The following MAGEB16 variants were observed in gnomAD, a reference collection of about 807,000 sequenced individuals.
MAGEB16 encodes the protein MAGE family member B16.
For synonymous variants in MAGEB16, 95 were observed against 92.1 expected (o/e 1.03, Z -0.18); for missense variants, 217 against 234.0 (o/e 0.93, Z 0.47).
At chrX:35,801,745 A>C (rs1465183085) in intron 1 of MAGEB16, among the ~76,000 whole-genome samples, 3 of 112,718 alleles carry the variant, frequency 2.7e-5, no homozygotes, top group African/African-American at 9.7e-5. Flanking sequence ...GAGGTACCTG[A>C]CACTTCCTTT....
At chrX:35,800,502 T>G in intron 1 of MAGEB16, 1 of 525,104 alleles carries the variant, frequency 1.9e-6, no homozygotes, top group South Asian at 2.5e-5. Flanking sequence ...GATGAGATTT[T>G]TCTTTTTTCG....
chrX:35,799,627 A>G (rs1315482870), intron 1 of MAGEB16, among the ~76,000 whole-genome samples: 1 of 111,543 alleles, frequency 9.0e-6, no homozygotes, highest in African/African-American at 3.3e-5. Context: ...CACTGCATAA[A>G]ACTGTAGACC....
intron 1 of MAGEB16, among the ~76,000 whole-genome samples, chrX:35,799,567 G>A (rs1285690919): frequency 2.7e-5 from 3 of 111,464 alleles, no homozygotes; most frequent in Non-Finnish European, 3.8e-5. Flanking sequence ...CCAGCAGAAG[G>A]AGTTCCAGGC....
intron 1 of MAGEB16, chrX:35,800,392 A>G (rs1934852265): frequency 2.1e-6 from 1 of 467,447 alleles, no homozygotes; most frequent in South Asian, 3.0e-5. Flanking sequence ...CCTCAAGTCA[A>G]TATAGGGGTA....
Position 35,802,114 on chromosome X carries a change from C to T in MAGEB16, c.-66-17C>T, listed in dbSNP as rs1934866348. 1 of 1,150,055 alleles carries T rather than the reference C, an allele frequency of 8.7e-7. No homozygotes were observed. Among genetic ancestry groups the T allele is most frequent in the Non-Finnish European group, 1.2e-6 (1 of 850,400 alleles). The allele number at this position is 1,150,055 out of a possible 1,213,427, so 94.8% of individuals were successfully genotyped here. A position where few individuals can be genotyped will look rare whatever the true frequency, so the allele number is the denominator to read the frequency against. ...TTTACCAGCTGAGGACATTTACACC[C>T]TTTCTCTCTCCCTTAGGCAGTGATT... On this transcript the variant is annotated splice_polypyrimidine_tract_variant and intron_variant, in intron 1 of 1. Transcript: ENST00000399988.
At chrX:35,801,143 A>T (rs1314184726) in intron 1 of MAGEB16, among the ~76,000 whole-genome samples, 1 of 111,767 alleles carries the variant, frequency 8.9e-6, no homozygotes, top group Non-Finnish European at 1.9e-5. Flanking sequence ...AGATCAGTAG[A>T]CAAGGGAGGC....
At position 35,803,042 on chromosome X, in the gene MAGEB16, A is replaced by G. The variant is rs1013188547; in HGVS notation, c.846A>G (p.Lys282=). Reference sequence around the variant, plus strand: ...AATTCCTGTGGGGCCCAAGAGCCAAAGCTGAAACCAGCAAGATGAAAGTCC... The same window carrying G: ...AATTCCTGTGGGGCCCAAGAGCCAAGGCTGAAACCAGCAAGATGAAAGTCC... Residue 282 remains lysine (K), a synonymous_variant, in exon 2 of 2, where the codon AAA becomes AAG. Coordinates refer to ENST00000399988, the Ensembl canonical transcript of MAGEB16. The G allele has an allele frequency of 2.5e-6, 3 of 1,210,534 alleles. No homozygotes were observed. The African/African-American group carries it at 5.2e-5, about 21-fold the overall frequency.
rs7054497 is a variant in MAGEB16, at chrX:35,800,683, A to C, written c.-66-1448A>C. On this transcript the variant is annotated intron_variant, in intron 1 of 1. Transcript: ENST00000399988. ...GGAGGCTCTGGGCAGGGCTGTCAGG[A>C]TGAGATATCTACTTATTTCCTGTTC... 9.9e-3 allele frequency: 4,830 copies of C among 488,697 alleles called. 123 individuals carry two copies. The highest frequency in any genetic ancestry group is 0.078 in the African/African-American group (3,212 of 41,443). The allele number at this position is 488,697 out of a possible 1,213,427, so 40.3% of individuals were successfully genotyped here.
exon 2 of MAGEB16, chrX:35,802,598 A>C: frequency 8.3e-7 from 1 of 1,211,732 alleles, no homozygotes; most frequent in Non-Finnish European, 1.1e-6. Flanking sequence ...AAAAGCCAAT[A>C]ACAAAGGCAG....
intron 1 of MAGEB16, among the ~76,000 whole-genome samples, chrX:35,800,918 G>A (rs1934856978): frequency 1.8e-5 from 2 of 111,319 alleles, no homozygotes; most frequent in Non-Finnish European, 3.8e-5. Flanking sequence ...GTTCAGATAA[G>A]CATTGGATTG....
chrX:35,800,681 G>A, intron 1 of MAGEB16: 1 of 489,848 alleles, frequency 2.0e-6, no homozygotes. Context: ...AGGGCTGTCA[G>A]GATGAGATAT....
Position 35,800,687 on chromosome X carries a change from G to C in MAGEB16, c.-66-1444G>C, listed in dbSNP as rs1323597809. 5 of 481,350 alleles carry C rather than the reference G, an allele frequency of 1.0e-5. No individual in the cohort carries two copies. In the African/African-American group the frequency reaches 1.2e-4, roughly 12 times the overall value. 39.7% of individuals were successfully genotyped at this position (481,350 alleles called of 1,213,427 possible). A position where few individuals can be genotyped will look rare whatever the true frequency, so the allele number is the denominator to read the frequency against. On this transcript the variant is annotated intron_variant, in intron 1 of 1. Coordinates refer to ENST00000399988, the Ensembl canonical transcript of MAGEB16. Reference sequence around the variant, plus strand: ...GCTCTGGGCAGGGCTGTCAGGATGAGATATCTACTTATTTCCTGTTCAGTG... The same window carrying C: ...GCTCTGGGCAGGGCTGTCAGGATGACATATCTACTTATTTCCTGTTCAGTG...
rs190238448 is a variant in MAGEB16 at position 35,799,173 on chromosome X, C to T, written c.-67+755C>T. On this transcript the variant is annotated intron_variant, in intron 1 of 1. Transcript: ENST00000399988. ...CTGGGATTACAGGCATGAGCCACTG[C>T]GCCCGGCCTCTGAATGAGTTTTAAG... Among the ~76,000 whole-genome samples the T allele has an allele frequency of 1.5e-4, 16 of 109,864 alleles. No individual in the cohort carries two copies. In the East Asian group the frequency reaches 3.2e-3, roughly 22 times the overall value.
chrX:35,802,206 G>A (rs1471814264), exon 2 of MAGEB16: 2 of 1,211,237 alleles, frequency 1.7e-6, no homozygotes, highest in Non-Finnish European at 2.2e-6. Flanking sequence ...CATGTCTCAG[G>A]ATCAGGAGAG....
At position 35,802,952 on chromosome X, in the gene MAGEB16, A is replaced by G. The variant is rs757562383; in HGVS notation, c.756A>G (p.Lys252=). 1.5e-5 allele frequency: 18 copies of G among 1,210,334 alleles called. No individual in the cohort carries two copies. The Admixed American group carries it at 3.7e-4, about 25-fold the overall frequency. Reference sequence around the variant, plus strand: ...GAGAGCCCAGAATGCTCATCACCAAAGATTTTGTGAAGGAGAAGTACCTGG... The same window carrying G: ...GAGAGCCCAGAATGCTCATCACCAAGGATTTTGTGAAGGAGAAGTACCTGG... Residue 252 remains lysine (K), a synonymous_variant, in exon 2 of 2, where the codon AAA becomes AAG. Coordinates refer to ENST00000399988, the Ensembl canonical transcript of MAGEB16.
At chrX:35,801,665 A>G (rs1332672158) in intron 1 of MAGEB16, among the ~76,000 whole-genome samples, 2 of 112,609 alleles carry the variant, frequency 1.8e-5, no homozygotes, top group Admixed American at 1.9e-4. Context: ...TACCCATACC[A>G]TTACAGTGCC....
exon 2 of MAGEB16, chrX:35,803,211 A>G (rs1250506891): frequency 1.5e-5 from 17 of 1,101,253 alleles, no homozygotes; most frequent in Non-Finnish European, 2.0e-5. Context: ...TGTGAGTTCC[A>G]GTGCTATGTC....
At chrX:35,801,933 C>T (rs1934864808) in intron 1 of MAGEB16, among the ~76,000 whole-genome samples, 198 bp from the exon 2 acceptor site, 1 of 112,267 alleles carries the variant, frequency 8.9e-6, no homozygotes, top group Non-Finnish European at 1.9e-5. Flanking sequence ...AAAATTCTCA[C>T]GTTGGGTTGG....
At chrX:35,803,121 T>C (rs1288630176) in exon 2 of MAGEB16, 1 of 1,202,041 alleles carries the variant, frequency 8.3e-7, no homozygotes, top group Non-Finnish European at 1.1e-6. Flanking sequence ...CCCATCTCAG[T>C]ATGCGGAAGC....
Sources: gnomAD v4.1 joint callset for allele counts (sites outside exome capture counted in the v4.1 genomes callset) on GRCh38, gnomAD v4.1.1 for gene constraint, MANE v1.5 for transcripts, NCBI Gene and HGNC (gene_info 2026-07-23, HGNC 2026-07-21) for gene names.